The following CNTN5 variants were observed in gnomAD, a reference collection of about 807,000 sequenced individuals.
CNTN5 encodes contactin 5.
Under a neutral mutation model 129.1 loss-of-function variants are expected in CNTN5, and 77 were observed. The observed-to-expected ratio is 0.60, with a 90% CI of 0.50 to 0.72. The LOEUF (loss-of-function observed/expected upper bound fraction) is 0.72, where lower values mean the gene tolerates loss of function less well. Among genes scored for constraint, CNTN5 ranks in the 30% least tolerant of loss-of-function variants. The pLI, the probability that CNTN5 is intolerant of heterozygous loss-of-function variation, is 0.00. For missense variants in CNTN5, 1,478 were observed against 1,328.8 expected (o/e 1.11, Z -1.75); for synonymous variants, 509 against 465.6 (o/e 1.09, Z -1.20).
intron 2 of CNTN5, among the ~76,000 whole-genome samples, chr11:99,341,036 A>G (rs1379876232): frequency 6.6e-6 from 1 of 152,184 alleles, no homozygotes; most frequent in African/African-American, 2.4e-5. Context: ...TTGATATCTT[A>G]TAAAGCATTT....
chr11:100,235,433 C>A (rs180861526), intron 16 of CNTN5, among the ~76,000 whole-genome samples: 199 of 152,184 alleles, frequency 1.3e-3, no homozygotes, highest in Non-Finnish European at 1.7e-3. Context: ...GTTCTCTGAC[C>A]CTGAGGCAGA....
intron 1 of CNTN5, among the ~76,000 whole-genome samples, chr11:99,270,398 A>T (rs1247349654): frequency 6.6e-6 from 1 of 151,806 alleles, no homozygotes; most frequent in African/African-American, 2.4e-5. Context: ...ATGAATAATA[A>T]TTTTTCCAGC....
chr11:99,779,099 A>G (rs910683129), intron 3 of CNTN5, among the ~76,000 whole-genome samples: 11 of 151,850 alleles, frequency 7.2e-5, no homozygotes, highest in African/African-American at 2.7e-4. Flanking sequence ...TCCTTAATCT[A>G]TAGACATTTT....
intron 3 of CNTN5, among the ~76,000 whole-genome samples, chr11:99,577,846 A>ATTATG (rs749654918): frequency 8.7e-6 from 1 of 115,036 alleles, no homozygotes; most frequent in Admixed American, 9.0e-5. Flanking sequence ...TTATTATTAT[A>ATTATG]CTTTAAGTTT....
At chr11:100,009,998 G>T (rs1377569) in intron 9 of CNTN5, among the ~76,000 whole-genome samples, 85,583 of 151,732 alleles carry the variant, frequency 0.56, 24,543 homozygotes, top group African/African-American at 0.66. Flanking sequence ...TCAATCTAGG[G>T]ACCTTAATGG....
intron 7 of CNTN5, among the ~76,000 whole-genome samples, chr11:99,935,385 A>G (rs548725899): frequency 6.6e-6 from 1 of 152,156 alleles, no homozygotes; most frequent in East Asian, 1.9e-4. Context: ...TTTTTCACCG[A>G]GCATTATATT....
Position 99,179,531 on chromosome 11 carries a change from A to G in CNTN5, c.-209-145815A>G, listed in dbSNP as rs189792212. Among the ~76,000 whole-genome samples the G allele has an allele frequency of 1.2e-4, 18 of 152,342 alleles. No homozygotes were observed. The East Asian group carries it at 3.5e-3, about 29-fold the overall frequency. ...ATTTAACTAGTTTTACCTAGTTCAT[A>G]TAGATATTTCTAAAGAGTTAATGTA... On this transcript the variant is annotated intron_variant, in intron 1 of 24. Transcript: ENST00000524871.
At chr11:100,325,017 C>T (rs1266106546) in intron 21 of CNTN5, among the ~76,000 whole-genome samples, 2 of 152,086 alleles carry the variant, frequency 1.3e-5, no homozygotes, top group African/African-American at 2.4e-5. Flanking sequence ...AATTTAATAA[C>T]TATATCTAGT....
Position 99,200,779 on chromosome 11 carries a change from A to G in CNTN5, c.-209-124567A>G, listed in dbSNP as rs150307001. On this transcript the variant is annotated intron_variant, in intron 1 of 24. Transcript: ENST00000524871. ...TCTATTATGCATTCTACACAGTCCA[A>G]TCAAGGATCCCAAACAGAATTGAAC... is the stretch of plus-strand genomic sequence containing the variant. Among the ~76,000 whole-genome samples, 669 of 152,284 alleles carry G rather than the reference A, an allele frequency of 4.4e-3. 4 individuals are homozygous for G. Among genetic ancestry groups the G allele is most frequent in the South Asian group, 0.015 (70 of 4,822 alleles).
intron 3 of CNTN5, among the ~76,000 whole-genome samples, chr11:99,683,887 CTG>C (rs1953669299): frequency 6.6e-6 from 1 of 151,442 alleles, no homozygotes; most frequent in African/African-American, 2.4e-5. Flanking sequence ...TATACACACA[CTG>C]TGGAATGGCT....
chr11:100,278,896 A>G (rs1950572651), intron 18 of CNTN5, among the ~76,000 whole-genome samples: 1 of 151,932 alleles, frequency 6.6e-6, no homozygotes, highest in Non-Finnish European at 1.5e-5. Flanking sequence ...TCTAGGAGGA[A>G]AGACTTTCAG....
At chr11:99,593,677 GGTTGT>G (rs746646408) in intron 3 of CNTN5, among the ~76,000 whole-genome samples, 1 of 152,094 alleles carries the variant, frequency 6.6e-6, no homozygotes, top group African/African-American at 2.4e-5. Flanking sequence ...ACAAATTTTA[GGTTGT>G]TTTGTTCTTC....
At position 99,417,485 on chromosome 11, in the gene CNTN5, A is replaced by G. The variant is rs532253220; in HGVS notation, c.-71+92001A>G. On this transcript the variant is annotated intron_variant, in intron 2 of 24. Coordinates refer to ENST00000524871, the MANE Select transcript of CNTN5 (RefSeq NM_014361.4). ...TGTGAATGTTAAGTTTTTGCTAGAA[A>G]TGCACAAAAGATGTTTCATTAAGAG... 3.2e-4 allele frequency among the ~76,000 whole-genome samples: 49 copies of G among 152,294 alleles called. 1 individual carries two copies. Among genetic ancestry groups the G allele is most frequent in the South Asian group, 1.7e-3 (8 of 4,830 alleles).
At position 99,744,962 on chromosome 11, in the gene CNTN5, A is replaced by G. The variant is rs185537630; in HGVS notation, c.56-74582A>G. Among the ~76,000 whole-genome samples, 637 of 152,232 alleles carry G rather than the reference A, an allele frequency of 4.2e-3. 2 individuals carry two copies. The highest frequency in any genetic ancestry group is 0.015 in the African/African-American group (609 of 41,550). On this transcript the variant is annotated intron_variant, in intron 3 of 24. Transcript: ENST00000524871. ...AGCGTTCTATTCCTTCATTTCCCCT[A>G]CTATTCGATATCACAATTACAAAGA...
At chr11:99,156,288 C>G (rs561921835) in intron 1 of CNTN5, among the ~76,000 whole-genome samples, 1 of 151,936 alleles carries the variant, frequency 6.6e-6, no homozygotes, top group African/African-American at 2.4e-5. Context: ...GATGGCTAAT[C>G]TTTGAATAGA....
At chr11:99,350,028 T>A (rs1053682600) in intron 2 of CNTN5, among the ~76,000 whole-genome samples, 3 of 152,174 alleles carry the variant, frequency 2.0e-5, no homozygotes, top group Non-Finnish European at 4.4e-5. Flanking sequence ...GGAAGAATAT[T>A]TTTTTCAAGT....
At chr11:99,689,852 C>CA (rs1012009071) in intron 3 of CNTN5, among the ~76,000 whole-genome samples, 2 of 151,998 alleles carry the variant, frequency 1.3e-5, no homozygotes, top group African/African-American at 4.8e-5. Flanking sequence ...GAACAGATTG[C>CA]AAAATTTTTC....
intron 7 of CNTN5, among the ~76,000 whole-genome samples, chr11:99,932,580 A>C (rs1431311591): frequency 6.6e-6 from 1 of 152,188 alleles, no homozygotes; most frequent in East Asian, 1.9e-4. Flanking sequence ...AGAAGGATTC[A>C]ATTTTGTCAC....
At chr11:100,061,626 G>A (rs1470675031) in intron 10 of CNTN5, among the ~76,000 whole-genome samples, 9 of 152,082 alleles carry the variant, frequency 5.9e-5, no homozygotes. Flanking sequence ...CAGAACTTAC[G>A]TCCTTAAAAA....
Sources: gnomAD v4.1 joint callset for allele counts (sites outside exome capture counted in the v4.1 genomes callset) on GRCh38, gnomAD v4.1.1 for gene constraint, MANE v1.5 for transcripts, NCBI Gene and HGNC (gene_info 2026-07-23, HGNC 2026-07-21) for gene names.